CBFA2T2: variants seen among roughly 807,000 people sequenced by gnomAD.
CBFA2T2 encodes protein CBFA2T2.
In CBFA2T2, 11 loss-of-function variants were observed where a neutral mutation model predicts 62.2. That is an observed-to-expected ratio of 0.18 (90% CI 0.11 to 0.29). CBFA2T2 has a LOEUF of 0.29. Among genes scored for constraint, CBFA2T2 ranks in the 10% least tolerant of loss-of-function variants. The probability of loss-of-function intolerance (pLI) is 1.00; values close to 1 mark genes in which losing one functional copy is unlikely to be tolerated. For synonymous variants in CBFA2T2, 295 were observed against 287.5 expected, an observed-to-expected ratio of 1.03 and a Z score of -0.27; for missense variants, 592 against 774.1, an observed-to-expected ratio of 0.76 and a Z score of 2.79.
intron 1 of CBFA2T2, among the ~76,000 whole-genome samples, chr20:33,514,351 A>G (rs2011564881): frequency 6.6e-6 from 1 of 150,700 alleles, no homozygotes; most frequent in South Asian, 2.1e-4. Context: ...AGTAACTGGG[A>G]TGACAGGTGT....
chr20:33,543,497 A>G (rs1462391311), intron 1 of CBFA2T2, among the ~76,000 whole-genome samples: 1 of 152,202 alleles, frequency 6.6e-6, no homozygotes, highest in Non-Finnish European at 1.5e-5. Context: ...GTAAATAGTT[A>G]TTAGAGTTCA....
At chr20:33,539,770 T>C (rs2012362109) in intron 1 of CBFA2T2, among the ~76,000 whole-genome samples, 2 of 151,716 alleles carry the variant, frequency 1.3e-5, no homozygotes, top group African/African-American at 4.8e-5. Context: ...TACTTCAGCC[T>C]CAAACTCCTA....
chr20:33,568,194 A>G (rs1205993852), intron 1 of CBFA2T2, among the ~76,000 whole-genome samples: 1 of 152,254 alleles, frequency 6.6e-6, no homozygotes, highest in Non-Finnish European at 1.5e-5. Context: ...TTAATTAGAA[A>G]GAAATTAGCA....
At chr20:33,624,205 T>C (rs1263335096) in intron 5 of CBFA2T2, among the ~76,000 whole-genome samples, 1 of 140,240 alleles carries the variant, frequency 7.1e-6, no homozygotes, top group Non-Finnish European at 1.5e-5. Context: ...TCAACAATAG[T>C]GGATAGGCTT....
chr20:33,646,214 G>C lies in CBFA2T2; in HGVS notation c.*1568G>C, dbSNP rs1362609258. On this transcript the variant is annotated 3_prime_UTR_variant, in exon 11 of 11. Transcript: ENST00000342704. The stretch of plus-strand genomic sequence containing the variant: ...AGACAGGGTTTCACCATGTTGGCCA[G>C]GCTGATCTCGAACTCCTGACCTCAG... 6.6e-6 allele frequency: 1 copy of C among 152,170 alleles called. No individual in the cohort carries two copies. The highest frequency in any genetic ancestry group is 1.5e-5 in the Non-Finnish European group (1 of 68,076). 9.4% of individuals were successfully genotyped at this position (152,170 alleles called of 1,614,324 possible). A position where few individuals can be genotyped will look rare whatever the true frequency, so the allele number is the denominator to read the frequency against.
rs115532961 is a variant in CBFA2T2, at chr20:33,532,169, C to T, written c.34+41868C>T. On this transcript the variant is annotated intron_variant, in intron 1 of 10. Coordinates refer to ENST00000342704, the MANE Select transcript of CBFA2T2 (RefSeq NM_001032999.3). ...TATCCCATCAAACACCTCTTTTCCC[C>T]ATTTTTAGCTCCTGGTGTGCACAGA... Among the ~76,000 whole-genome samples, 848 of 152,322 alleles carry T rather than the reference C, an allele frequency of 5.6e-3. 4 individuals carry two copies. The highest frequency in any genetic ancestry group is 0.019 in the African/African-American group (792 of 41,564).
intron 1 of CBFA2T2, among the ~76,000 whole-genome samples, chr20:33,539,157 G>A (rs1473322545): frequency 6.6e-6 from 1 of 152,210 alleles, no homozygotes; most frequent in Non-Finnish European, 1.5e-5. Context: ...CTTAGTGTCT[G>A]TATAATCTTG....
chr20:33,524,603 T>G (rs2011833005), intron 1 of CBFA2T2, among the ~76,000 whole-genome samples: 1 of 150,268 alleles, frequency 6.7e-6, no homozygotes, highest in Admixed American at 6.7e-5. Context: ...TTTTTAGGAT[T>G]AAAAAAAAAA....
intron 1 of CBFA2T2, among the ~76,000 whole-genome samples, chr20:33,594,103 G>A (rs963522777): frequency 2.6e-5 from 4 of 152,206 alleles, no homozygotes; most frequent in African/African-American, 9.7e-5. Flanking sequence ...TAGTTAGGAG[G>A]CAGATGAAGC....
At chr20:33,575,837 G>T (rs1308186859) in intron 1 of CBFA2T2, among the ~76,000 whole-genome samples, 1 of 152,052 alleles carries the variant, frequency 6.6e-6, no homozygotes, top group Non-Finnish European at 1.5e-5. Context: ...GAGTGCAGTG[G>T]CGCGATCTCA....
Position 33,644,726 on chromosome 20 carries a change from C to A in CBFA2T2, c.*80C>A. On this transcript the variant is annotated 3_prime_UTR_variant, in exon 11 of 11. Transcript: ENST00000342704. ...GAGGGACTGACTGTTGGAACCCGTG[C>A]ATGTAGCTGCCGGGTCATCAGCAAG... is the stretch of plus-strand genomic sequence containing the variant. 1 of 1,420,012 alleles carries A rather than the reference C, an allele frequency of 7.0e-7. No homozygotes were observed. The highest frequency in any genetic ancestry group is 9.6e-7 in the Non-Finnish European group (1 of 1,044,958). The allele number at this position is 1,420,012 out of a possible 1,614,324, so 88.0% of individuals were successfully genotyped here. A position where few individuals can be genotyped will look rare whatever the true frequency, so the allele number is the denominator to read the frequency against.
intron 1 of CBFA2T2, among the ~76,000 whole-genome samples, 162 bp downstream of exon 1, chr20:33,490,463 G>A (rs1004061017): frequency 6.6e-6 from 1 of 152,128 alleles, no homozygotes; most frequent in African/African-American, 2.4e-5. Flanking sequence ...GGGCCTTCCC[G>A]GGCTCCTGAG....
intron 1 of CBFA2T2, among the ~76,000 whole-genome samples, chr20:33,585,036 G>GT (rs1041091218): frequency 2.7e-4 from 41 of 151,846 alleles, no homozygotes; most frequent in African/African-American, 9.4e-4. Context: ...CTCAAACCTT[G>GT]TTTTTTTTCT....
chr20:33,638,055 A>C (rs1308947449), intron 9 of CBFA2T2, among the ~76,000 whole-genome samples: 3 of 135,698 alleles, frequency 2.2e-5, no homozygotes, highest in Non-Finnish European at 3.1e-5. Flanking sequence ...GCTCACTGCA[A>C]CCTCCACCTC....
chr20:33,609,686 T>C (rs536394833), intron 2 of CBFA2T2, among the ~76,000 whole-genome samples: 1 of 152,156 alleles, frequency 6.6e-6, no homozygotes, highest in African/African-American at 2.4e-5. Flanking sequence ...TAAGGTTCAG[T>C]GTAAGAAGAG....
intron 1 of CBFA2T2, among the ~76,000 whole-genome samples, chr20:33,584,744 A>G (rs1462007431): frequency 6.6e-6 from 1 of 152,162 alleles, no homozygotes; most frequent in African/African-American, 2.4e-5. Flanking sequence ...GATTACTAGC[A>G]TCATTTCCTG....
At chr20:33,598,085 A>G (rs1420452947) in intron 1 of CBFA2T2, among the ~76,000 whole-genome samples, 1 of 152,218 alleles carries the variant, frequency 6.6e-6, no homozygotes, top group Non-Finnish European at 1.5e-5. Flanking sequence ...CAAGTACTTT[A>G]CAAGGTAATA....
chr20:33,613,304 C>G (rs143077190), intron 3 of CBFA2T2, among the ~76,000 whole-genome samples: 1 of 152,146 alleles, frequency 6.6e-6, no homozygotes, highest in East Asian at 1.9e-4. Context: ...TTTGGGGTCT[C>G]CAGCATCTCC....
At chr20:33,607,294 G>A (rs1256095706) in intron 2 of CBFA2T2, among the ~76,000 whole-genome samples, 195 bp downstream of exon 2, 3 of 152,034 alleles carry the variant, frequency 2.0e-5, no homozygotes, top group African/African-American at 7.2e-5. Flanking sequence ...TAGCTTATTT[G>A]GATATTTAGT....
Sources: allele counts gnomAD v4.1 joint callset (sites outside exome capture counted in the v4.1 genomes callset), GRCh38; gene constraint gnomAD v4.1.1; transcripts MANE v1.5; gene names NCBI Gene and HGNC (gene_info 2026-07-23, HGNC 2026-07-21).